ZMYND8: variants seen among roughly 807,000 people sequenced by gnomAD.
The protein encoded by ZMYND8 is MYND-type zinc finger-containing chromatin reader ZMYND8.
Under a neutral mutation model 140.8 loss-of-function variants are expected in ZMYND8, and 37 were observed. The ratio of observed to expected loss-of-function variants is 0.26; its 90% CI spans 0.20 to 0.35. The LOEUF (loss-of-function observed/expected upper bound fraction) is 0.35. Ranked by LOEUF, ZMYND8 falls within the 10% of genes least tolerant of loss-of-function variation. The pLI is 1.00. For missense variants in ZMYND8, 1,068 were observed against 1,570.0 expected (o/e 0.68, Z 5.40); for synonymous variants, 592 against 597.1 (o/e 0.99, Z 0.12).
At chr20:47,293,947 C>G (rs947677084) in intron 5 of ZMYND8, among the ~76,000 whole-genome samples, 4 of 152,138 alleles carry the variant, frequency 2.6e-5, no homozygotes, top group Admixed American at 1.3e-4. Context: ...CTTCCCACCC[C>G]CCTTCTCCTG....
chr20:47,227,069 T>C lies in ZMYND8; in HGVS notation c.3016+134A>G. The C allele has an allele frequency of 3.2e-6, 3 of 927,916 alleles. 1 individual carries two copies. The South Asian group carries it at 4.6e-5, about 14-fold the overall frequency. 57.5% of individuals were successfully genotyped at this position (927,916 alleles called of 1,614,324 possible). Reference sequence around the variant, plus strand: ...TTTCTCCAGGCCCAGACTCTCAGGATTCTGTGGTCTCCCTACGAGTCATAC... The same window carrying C: ...TTTCTCCAGGCCCAGACTCTCAGGACTCTGTGGTCTCCCTACGAGTCATAC... On this transcript the variant is annotated intron_variant, in intron 18 of 22. Coordinates refer to ENST00000471951, the MANE Select transcript of ZMYND8 (RefSeq NM_001281775.3).
chr20:47,238,954 C>T lies in ZMYND8; in HGVS notation c.2469G>A (p.Arg823=), dbSNP rs761801914. 6 of 1,613,076 alleles carry T rather than the reference C, an allele frequency of 3.7e-6. No individual in the cohort carries two copies. The highest frequency in any genetic ancestry group is 4.2e-6 in the Non-Finnish European group (5 of 1,179,056). The stretch of plus-strand genomic sequence containing the variant: ...GGGCAGTCTCCTTCGGTAAAAGCGG[C>T]CTCTGCTTTTTCACTGGGCTTCCTG... ...AATGSPVKKQ[R]PLLPKETAPA... The change falls in exon 15 of 23, where the codon AGG becomes AGA. Residue 823 remains arginine, a synonymous_variant. Transcript: ENST00000471951.
intron 19 of ZMYND8, among the ~76,000 whole-genome samples, 190 bp downstream of exon 19, chr20:47,224,127 T>C (rs2037372277): frequency 6.6e-6 from 1 of 152,246 alleles, no homozygotes; most frequent in South Asian, 2.1e-4. Flanking sequence ...AAAATGCCCA[T>C]GGCTCAAGTT....
Position 47,281,967 on chromosome 20 carries a change from TCAA to T in ZMYND8, c.998+132_998+134del, listed in dbSNP as rs143508746. 1.2e-3 allele frequency: 888 copies of T among 766,524 alleles called. 4 individuals carry two copies. In the African/African-American group the frequency reaches 0.013, roughly 11 times the overall value. The allele number at this position is 766,524 out of a possible 1,614,324, so 47.5% of individuals were successfully genotyped here. On this transcript the variant is annotated intron_variant, in intron 10 of 22. Coordinates refer to ENST00000471951, the MANE Select transcript of ZMYND8 (RefSeq NM_001281775.3). ...CTTAACATACCACAGGAAATTTATT[TCAA>T]CAACAAGATCAATGGTTGGTATCAT...
At chr20:47,269,442 G>T (rs2075776763) in intron 11 of ZMYND8, among the ~76,000 whole-genome samples, 1 of 152,146 alleles carries the variant, frequency 6.6e-6, no homozygotes, top group Non-Finnish European at 1.5e-5. Flanking sequence ...AAAAGACTTG[G>T]AAATGCTTGT....
At chr20:47,338,225 T>C (rs371008385) in intron 2 of ZMYND8, among the ~76,000 whole-genome samples, 34 of 152,214 alleles carry the variant, frequency 2.2e-4, no homozygotes, top group South Asian at 1.7e-3. Context: ...CTTTGCGCTA[T>C]TGTCCCTGAG....
At chr20:47,350,203 C>A (rs6122574) in intron 1 of ZMYND8, among the ~76,000 whole-genome samples, 12 of 152,176 alleles carry the variant, frequency 7.9e-5, no homozygotes, top group African/African-American at 2.9e-4. Flanking sequence ...AGAAAACCAT[C>A]TTTTTCACAG....
intron 11 of ZMYND8, among the ~76,000 whole-genome samples, chr20:47,268,217 G>C (rs548550330): frequency 3.0e-4 from 46 of 152,004 alleles, no homozygotes; most frequent in Middle Eastern, 6.9e-3. Context: ...AACACTTCGG[G>C]AGGCGGAGGC....
chr20:47,287,184 C>T (rs1390261501), intron 8 of ZMYND8, 45 bp downstream of exon 8: 1 of 1,562,970 alleles, frequency 6.4e-7, no homozygotes, highest in Admixed American at 1.7e-5. Context: ...TGCCCCATCC[C>T]CTCCTTCTGG....
chr20:47,331,159 T>C (rs1451310757), intron 2 of ZMYND8, among the ~76,000 whole-genome samples: 1 of 152,166 alleles, frequency 6.6e-6, no homozygotes, highest in African/African-American at 2.4e-5. Flanking sequence ...CAGGAGGGTT[T>C]TGCAATTATG....
chr20:47,210,426 TTTAAATCG>T lies in ZMYND8; in HGVS notation c.*327_*334del. 5.9e-6 allele frequency: 1 copy of T among 168,446 alleles called. No individual in the cohort carries two copies. Among genetic ancestry groups the T allele is most frequent in the Admixed American group, 6.0e-5 (1 of 16,558 alleles). The allele number at this position is 168,446 out of a possible 1,614,324, so 10.4% of individuals were successfully genotyped here. ...GGGGTTGGTTGCTTTTTTTTTTTTT[TTTAAATCG>T]TTTTTCTTTTTCTTTTTTTTTTTTT... is the stretch of plus-strand genomic sequence containing the variant. On this transcript the variant is annotated 3_prime_UTR_variant, in exon 23 of 23. Coordinates refer to ENST00000471951, the MANE Select transcript of ZMYND8 (RefSeq NM_001281775.3).
intron 3 of ZMYND8, among the ~76,000 whole-genome samples, chr20:47,300,672 CAAG>C (rs2148077455): frequency 6.6e-6 from 1 of 152,200 alleles, no homozygotes; most frequent in East Asian, 1.9e-4. Flanking sequence ...CAAGAGTTGC[CAAG>C]AAGGCAGGCA....
intron 2 of ZMYND8, among the ~76,000 whole-genome samples, chr20:47,328,329 G>C (rs550910761): frequency 9.2e-5 from 14 of 152,104 alleles, no homozygotes; most frequent in Non-Finnish European, 2.1e-4. Flanking sequence ...ATACCAAACT[G>C]TTATCACTGG....
intron 10 of ZMYND8, among the ~76,000 whole-genome samples, chr20:47,277,899 T>C (rs2076356717): frequency 2.0e-5 from 3 of 152,070 alleles, no homozygotes; most frequent in African/African-American, 7.2e-5. Flanking sequence ...TCTTGAACTC[T>C]TGACCTCGTG....
chr20:47,269,865 G>A (rs2075801753), intron 11 of ZMYND8, among the ~76,000 whole-genome samples: 1 of 152,204 alleles, frequency 6.6e-6, no homozygotes, highest in Non-Finnish European at 1.5e-5. Flanking sequence ...GCAGAGCATG[G>A]CCAGATGGTC....
chr20:47,335,502 C>A (rs2081322489), intron 2 of ZMYND8, among the ~76,000 whole-genome samples: 1 of 151,870 alleles, frequency 6.6e-6, no homozygotes, highest in South Asian at 2.1e-4. Flanking sequence ...CAATAGAGAA[C>A]AATGAAGGAA....
At chr20:47,216,625 T>C (rs1336361349) in intron 21 of ZMYND8, among the ~76,000 whole-genome samples, 1 of 149,048 alleles carries the variant, frequency 6.7e-6, no homozygotes, top group Non-Finnish European at 1.5e-5. Flanking sequence ...CTGGCCAACA[T>C]GGTGAAACCC....
chr20:47,275,698 G>A (rs999075343), intron 11 of ZMYND8, among the ~76,000 whole-genome samples: 33 of 151,964 alleles, frequency 2.2e-4, no homozygotes, highest in Admixed American at 1.9e-3. Flanking sequence ...AACCTCCCAG[G>A]CTCCGGCAAT....
intron 2 of ZMYND8, among the ~76,000 whole-genome samples, chr20:47,332,148 T>C (rs929118661): frequency 6.6e-6 from 1 of 152,068 alleles, no homozygotes; most frequent in South Asian, 2.1e-4. Context: ...CCGTCTCTAC[T>C]AAAAATACAA....
Sources: gnomAD v4.1 joint callset for allele counts (sites outside exome capture counted in the v4.1 genomes callset) on GRCh38, gnomAD v4.1.1 for gene constraint, MANE v1.5 for transcripts, NCBI Gene and HGNC (gene_info 2026-07-23, HGNC 2026-07-21) for gene names.